Variants in CSMD1 observed in about 807,000 individuals in gnomAD.
CSMD1 encodes the protein CUB and sushi domain-containing protein 1.
In CSMD1, 213 loss-of-function variants were observed where a neutral mutation model predicts 417.5. That is an observed-to-expected ratio of 0.51 (90% CI 0.46 to 0.57). CSMD1 has a LOEUF of 0.57. Ranked by LOEUF, CSMD1 falls within the 20% of genes least tolerant of loss-of-function variation. The pLI is 0.00. For synonymous variants in CSMD1, 2,862 were observed against 1,736.8 expected, an observed-to-expected ratio of 1.65 and a Z score of -16.11; for missense variants, 6,923 against 4,529.7, an observed-to-expected ratio of 1.53 and a Z score of -15.17.
intron 3 of CSMD1, among the ~76,000 whole-genome samples, chr8:4,224,878 G>C (rs1385643426): frequency 4.1e-5 from 6 of 145,598 alleles, no homozygotes; most frequent in Non-Finnish European, 9.0e-5. Context: ...GGGATACCAA[G>C]GCAGGTGGAT....
chr8:2,962,773 G>T, intron 60 of CSMD1, 134 bp from the exon 61 acceptor site: 2 of 926,592 alleles, frequency 2.2e-6, no homozygotes, highest in Non-Finnish European at 3.2e-6. Context: ...AGGAGGCCAG[G>T]CACGGTGGCT....
rs1278825750 is a variant in CSMD1 at position 4,328,335 on chromosome 8, G to C, written c.415+91618C>G. 2.7e-5 allele frequency among the ~76,000 whole-genome samples: 4 copies of C among 147,462 alleles called. No individual in the cohort carries two copies. The Admixed American group carries it at 2.8e-4, about 10-fold the overall frequency. ...CTCAGTTAAGTCAACTGTGCGGTCT[G>C]AGACTTCTCTCTTTCTTAGTGCACA... On this transcript the variant is annotated intron_variant, in intron 3 of 69. Coordinates refer to ENST00000635120, the MANE Select transcript of CSMD1 (RefSeq NM_033225.6).
intron 52 of CSMD1, among the ~76,000 whole-genome samples, chr8:3,002,266 A>T (rs1055990645): frequency 1.3e-5 from 2 of 152,224 alleles, no homozygotes; most frequent in African/African-American, 4.8e-5. Context: ...GGCACAGAGG[A>T]CATTGTCTCT....
chr8:4,361,127 A>G (rs937068717), intron 3 of CSMD1, among the ~76,000 whole-genome samples: 1 of 152,148 alleles, frequency 6.6e-6, no homozygotes, highest in Non-Finnish European at 1.5e-5. Context: ...TAGTCACTGA[A>G]TCTCTGAGCT....
chr8:3,168,590 G>C (rs1449019447), intron 37 of CSMD1, among the ~76,000 whole-genome samples: 1 of 150,658 alleles, frequency 6.6e-6, no homozygotes. Context: ...TCTGCACCCA[G>C]ACTTCTATGT....
At chr8:3,256,858 A>G (rs1454983961) in intron 26 of CSMD1, among the ~76,000 whole-genome samples, 7 of 152,344 alleles carry the variant, frequency 4.6e-5, no homozygotes, top group African/African-American at 1.7e-4. Context: ...CAAGGTAGTT[A>G]TGTTAGGAGG....
intron 3 of CSMD1, among the ~76,000 whole-genome samples, chr8:4,095,342 T>G (rs985111285): frequency 6.6e-6 from 1 of 152,160 alleles, no homozygotes; most frequent in East Asian, 1.9e-4. Context: ...AGCAGCTTCC[T>G]GCATTGCCTG....
intron 7 of CSMD1, among the ~76,000 whole-genome samples, chr8:3,655,305 C>T (rs1270779826): frequency 6.6e-6 from 1 of 152,174 alleles, no homozygotes; most frequent in African/African-American, 2.4e-5. Context: ...CATGATCCTT[C>T]AATTTCTTAA....
At chr8:3,307,087 A>G (rs1804920805) in intron 25 of CSMD1, among the ~76,000 whole-genome samples, 1 of 152,168 alleles carries the variant, frequency 6.6e-6, no homozygotes, top group Non-Finnish European at 1.5e-5. Context: ...TTTTTAAAAT[A>G]TGACTTTGCT....
At chr8:4,955,497 C>G (rs1310456474) in intron 1 of CSMD1, among the ~76,000 whole-genome samples, 2 of 151,778 alleles carry the variant, frequency 1.3e-5, no homozygotes, top group South Asian at 2.1e-4. Context: ...ACTCTGTCAC[C>G]CAGGCTGGAG....
chr8:4,750,250 G>A (rs35294170), intron 1 of CSMD1, among the ~76,000 whole-genome samples: 11,478 of 152,004 alleles, frequency 0.076, 544 homozygotes, highest in Non-Finnish European at 0.11. Context: ...ATTGTGATCC[G>A]CCCGCCTCGG....
At chr8:3,902,066 T>C (rs1807791276) in intron 5 of CSMD1, among the ~76,000 whole-genome samples, 1 of 152,222 alleles carries the variant, frequency 6.6e-6, no homozygotes, top group African/African-American at 2.4e-5. Context: ...GTACAGATTG[T>C]TGCCAGATTC....
At chr8:3,365,880 T>A (rs1809531520) in intron 20 of CSMD1, among the ~76,000 whole-genome samples, 1 of 152,208 alleles carries the variant, frequency 6.6e-6, no homozygotes, top group African/African-American at 2.4e-5. Context: ...TATGAGTAAC[T>A]CATCTTACAG....
intron 4 of CSMD1, among the ~76,000 whole-genome samples, chr8:4,023,786 T>TGG (rs1796916882): frequency 3.3e-5 from 2 of 61,384 alleles, no homozygotes; most frequent in African/African-American, 5.2e-5. Context: ...TTTTTTTTTG[T>TGG]GTGTGTATTT....
chr8:4,967,346 T>A (rs1453415248), intron 1 of CSMD1, among the ~76,000 whole-genome samples: 1 of 152,162 alleles, frequency 6.6e-6, no homozygotes, highest in Non-Finnish European at 1.5e-5. Flanking sequence ...TATCCAAGTC[T>A]TCTGAAGAAA....
intron 3 of CSMD1, among the ~76,000 whole-genome samples, chr8:4,403,669 T>A (rs1804814731): frequency 6.6e-6 from 1 of 152,156 alleles, no homozygotes; most frequent in Non-Finnish European, 1.5e-5. Context: ...CTCTAGAGTC[T>A]AACCCCTAGA....
chr8:4,835,292 G>T (rs1800411881), intron 1 of CSMD1, among the ~76,000 whole-genome samples: 1 of 152,240 alleles, frequency 6.6e-6, no homozygotes, highest in South Asian at 2.1e-4. Context: ...CATCGTCGGA[G>T]ATTACGTTTG....
At chr8:3,605,345 C>A (rs142033561) in intron 8 of CSMD1, among the ~76,000 whole-genome samples, 42 of 152,314 alleles carry the variant, frequency 2.8e-4, no homozygotes, top group African/African-American at 1.0e-3. Context: ...TCTACACAGT[C>A]CATAAGTGCA....
At chr8:4,422,019 C>G (rs554163535) in intron 2 of CSMD1, among the ~76,000 whole-genome samples, 14 of 152,104 alleles carry the variant, frequency 9.2e-5, no homozygotes, top group African/African-American at 2.4e-4. Context: ...ACTACAGAAA[C>G]TACATATGTA....
Sources: gnomAD v4.1 joint callset for allele counts (sites outside exome capture counted in the v4.1 genomes callset) on GRCh38, gnomAD v4.1.1 for gene constraint, MANE v1.5 for transcripts, NCBI Gene and HGNC (gene_info 2026-07-23, HGNC 2026-07-21) for gene names.